GSE1: variants seen among roughly 807,000 people sequenced by gnomAD.
GSE1 encodes genetic suppressor element 1.
A neutral mutation model predicts 112.6 loss-of-function variants in GSE1; 32 were observed. The observed-to-expected ratio is 0.28, with a 90% CI of 0.21 to 0.38. The LOEUF (loss-of-function observed/expected upper bound fraction) is 0.38, where lower values mean the gene tolerates loss of function less well. Among genes scored for constraint, GSE1 ranks in the 10% least tolerant of loss-of-function variants. The probability of loss-of-function intolerance (pLI) is 1.00; values close to 1 mark genes in which losing one functional copy is unlikely to be tolerated. For synonymous variants in GSE1, 1,115 were observed against 735.6 expected, an observed-to-expected ratio of 1.52 and a Z score of -8.35; for missense variants, 2,348 against 1,699.2, an observed-to-expected ratio of 1.38 and a Z score of -6.71.
At position 85,334,654 on chromosome 16, in the gene GSE1, C is replaced by T. The variant is rs1031040427; in HGVS notation, c.2284-22809C>T. 2.6e-5 allele frequency among the ~76,000 whole-genome samples: 4 copies of T among 152,162 alleles called. No individual in the cohort carries two copies. In the East Asian group the frequency reaches 5.8e-4, roughly 22 times the overall value. On this transcript the variant is annotated intron_variant, in intron 1 of 2. Coordinates refer to the GSE1 transcript ENST00000637419. ...AGCCCCTTATTGGGGCTATGTGTGA[C>T]CCATGGAGGGAAGCCATTTTTCTTC...
chr16:85,215,880 A>T (rs1210931804), intron 1 of GSE1, among the ~76,000 whole-genome samples: 1 of 152,132 alleles, frequency 6.6e-6, no homozygotes, highest in Non-Finnish European at 1.5e-5. Flanking sequence ...GTTGCAGAAC[A>T]GGATCAGGTT....
intron 1 of GSE1, among the ~76,000 whole-genome samples, chr16:85,632,636 T>C (rs1003067055): frequency 6.6e-6 from 1 of 152,172 alleles, no homozygotes; most frequent in Non-Finnish European, 1.5e-5. Context: ...GAGTGGGCTC[T>C]GGAGGCCAGG....
chr16:85,326,160 C>T (rs866376931), intron 1 of GSE1, among the ~76,000 whole-genome samples: 2 of 152,142 alleles, frequency 1.3e-5, no homozygotes, highest in Non-Finnish European at 2.9e-5. Context: ...TCTCTGGAAT[C>T]GGTGCCCCCC....
At chr16:85,534,762 T>C (rs781713701) in intron 2 of GSE1, among the ~76,000 whole-genome samples, 1 of 151,088 alleles carries the variant, frequency 6.6e-6, no homozygotes, top group East Asian at 2.0e-4. Context: ...TGGAACCTCA[T>C]GGAGATGCAG....
At chr16:85,500,648 T>A (rs2051329492) in intron 2 of GSE1, among the ~76,000 whole-genome samples, 1 of 152,136 alleles carries the variant, frequency 6.6e-6, no homozygotes, top group Non-Finnish European at 1.5e-5. Context: ...CTGCCCCTCT[T>A]CTCCATGTCA....
At chr16:85,525,733 A>G (rs937326557) in intron 2 of GSE1, among the ~76,000 whole-genome samples, 19 of 152,242 alleles carry the variant, frequency 1.2e-4, no homozygotes, top group Admixed American at 7.2e-4. Context: ...CTCAAATCCT[A>G]TCTCCACAGT....
intron 2 of GSE1, among the ~76,000 whole-genome samples, chr16:85,457,475 G>A (rs1045159784): frequency 1.3e-5 from 2 of 152,228 alleles, no homozygotes; most frequent in Non-Finnish European, 2.9e-5. Flanking sequence ...TGTCCGGTAG[G>A]GTTGGCACAG....
At chr16:85,477,690 A>C (rs1371867716) in intron 2 of GSE1, among the ~76,000 whole-genome samples, 1 of 150,794 alleles carries the variant, frequency 6.6e-6, no homozygotes, top group East Asian at 2.0e-4. Flanking sequence ...CCTCCTGAGT[A>C]ATTGGGATTA....
chr16:85,649,889 G>A (rs1386712144), intron 3 of GSE1, among the ~76,000 whole-genome samples: 1 of 152,190 alleles, frequency 6.6e-6, no homozygotes, highest in Non-Finnish European at 1.5e-5. Context: ...TATCCCCAGA[G>A]GTGTGGGAAG....
At chr16:85,194,265 C>A (rs1478607841) in intron 1 of GSE1, among the ~76,000 whole-genome samples, 1 of 152,044 alleles carries the variant, frequency 6.6e-6, no homozygotes, top group Non-Finnish European at 1.5e-5. Flanking sequence ...AGACTAGAAC[C>A]CAAAAATCCT....
intron 1 of GSE1, among the ~76,000 whole-genome samples, chr16:85,278,082 G>C (rs1039778733): frequency 6.6e-6 from 1 of 152,266 alleles, no homozygotes; most frequent in Admixed American, 6.5e-5. Flanking sequence ...CCGCGAGGAA[G>C]GTCACGGGCA....
Position 85,662,962 on chromosome 16 carries a change from A to G in GSE1, c.2261-19A>G. On this transcript the variant is annotated intron_variant, in intron 9 of 15. Transcript: ENST00000253458. The stretch of plus-strand genomic sequence containing the variant: ...ATGAAGGCTCTTTGTCTGGCTGAAT[A>G]CAACCATTTCTCCATCAGGGTACTA... The G allele has an allele frequency of 1.3e-6, 2 of 1,500,462 alleles. No homozygotes were observed. Among genetic ancestry groups the G allele is most frequent in the Non-Finnish European group, 1.9e-6 (2 of 1,078,424 alleles). 92.9% of individuals were successfully genotyped at this position (1,500,462 alleles called of 1,614,324 possible). A position where few individuals can be genotyped will look rare whatever the true frequency, so the allele number is the denominator to read the frequency against.
At chr16:85,545,902 C>A (rs969661986) in intron 2 of GSE1, among the ~76,000 whole-genome samples, 1 of 151,936 alleles carries the variant, frequency 6.6e-6, no homozygotes. Context: ...TCTGTCTCAG[C>A]CTCCCGAGTA....
upstream of GSE1, among the ~76,000 whole-genome samples, chr16:85,553,640 C>G (rs1316098488): frequency 6.6e-6 from 1 of 152,046 alleles, no homozygotes; most frequent in African/African-American, 2.4e-5. Context: ...GCCGCAGCCA[C>G]CGAGCTGCTG....
chr16:85,385,460 T>C (rs2047667221), intron 2 of GSE1, among the ~76,000 whole-genome samples: 1 of 151,938 alleles, frequency 6.6e-6, no homozygotes, highest in Non-Finnish European at 1.5e-5. Context: ...GGGTGGGACA[T>C]ACTTGCCTCC....
At chr16:85,433,745 C>T (rs1048753519) in intron 2 of GSE1, among the ~76,000 whole-genome samples, 10 of 151,542 alleles carry the variant, frequency 6.6e-5, no homozygotes, top group Admixed American at 4.6e-4. Flanking sequence ...TCAGATGGAT[C>T]AATGGATGCT....
chr16:85,606,888 G>A (rs1213982175), upstream of GSE1, among the ~76,000 whole-genome samples: 1 of 152,196 alleles, frequency 6.6e-6, no homozygotes, highest in Non-Finnish European at 1.5e-5. Context: ...GGGTCCGAGC[G>A]CTGCTCCCCC....
intron 1 of GSE1, chr16:85,594,987 A>T (rs921489672): frequency 6.5e-6 from 1 of 152,904 alleles, no homozygotes; most frequent in Non-Finnish European, 1.5e-5. Context: ...GAACAGGCAG[A>T]GGGGCGGTAA....
intron 2 of GSE1, among the ~76,000 whole-genome samples, chr16:85,546,849 G>T (rs529724594): frequency 8.5e-5 from 13 of 152,362 alleles, no homozygotes; most frequent in African/African-American, 3.1e-4. Flanking sequence ...GGGCCTGAAG[G>T]TGTGCCCAAG....
Sources: gnomAD v4.1 joint callset for allele counts (sites outside exome capture counted in the v4.1 genomes callset) on GRCh38, gnomAD v4.1.1 for gene constraint, MANE v1.5 for transcripts, NCBI Gene and HGNC (gene_info 2026-07-23, HGNC 2026-07-21) for gene names.